HOXC11: variants seen among roughly 807,000 people sequenced by gnomAD.
The protein encoded by HOXC11 is homeobox protein Hox-C11.
HOXC11 carries 17 observed loss-of-function variants against 23.6 expected under a neutral mutation model. That is an observed-to-expected ratio of 0.72 (90% CI 0.49 to 1.08). The LOEUF (loss-of-function observed/expected upper bound fraction) is 1.08, where lower values mean the gene tolerates loss of function less well. Ranked by LOEUF, HOXC11 falls within the 50% of genes least tolerant of loss-of-function variation. The pLI, the probability that HOXC11 is intolerant of heterozygous loss-of-function variation, is 0.00. For missense variants in HOXC11, 413 were observed against 412.1 expected, an observed-to-expected ratio of 1.00 and a Z score of -0.02; for synonymous variants, 196 against 183.8, an observed-to-expected ratio of 1.07 and a Z score of -0.54.
chr12:53,973,433 G>T lies in HOXC11; in HGVS notation c.192G>T (p.Ser64=). ...CTCGTCAGATCTCCTATCCCTACTC[G>T]GCCCAAGTGCCCCCGGTCCGGGAGG... ...APSRQISYPY[S]AQVPPVREVS... Residue 64 remains serine, a synonymous_variant, in exon 1 of 2, where the codon TCG becomes TCT. Transcript: ENST00000546378. The surrounding 1 kb of genome is among the most constrained non-coding windows in gnomAD (Gnocchi z 4.3). 1.2e-6 allele frequency: 2 copies of T among 1,613,790 alleles called. No homozygotes were observed. Among genetic ancestry groups the T allele is most frequent in the Non-Finnish European group, 8.5e-7 (1 of 1,179,960 alleles).
chr12:53,973,421 C>T lies in HOXC11; in HGVS notation c.180C>T (p.Ser60=). 4 of 1,614,242 alleles carry T rather than the reference C, an allele frequency of 2.5e-6. No individual in the cohort carries two copies. The highest frequency in any genetic ancestry group is 3.4e-6 in the Non-Finnish European group (4 of 1,180,046). The change falls in exon 1 of 2, where the codon TCC becomes TCT. Residue 60 remains serine (S), a synonymous_variant. Coordinates refer to ENST00000546378, the MANE Select transcript of HOXC11 (RefSeq NM_014212.4). This position sits in a 1 kb window ranked among gnomAD's most constrained non-coding sequence, Gnocchi z 4.3. ...CCCAGGCCCCCTCTCGTCAGATCTC[C>T]TATCCCTACTCGGCCCAAGTGCCCC... The part of the protein sequence containing the change: ...FLPQAPSRQI[S]YPYSAQVPPV...
chr12:53,974,340 G>A (rs1939209385), intron 1 of HOXC11, among the ~76,000 whole-genome samples: 1 of 151,656 alleles, frequency 6.6e-6, no homozygotes, highest in Non-Finnish European at 1.5e-5. Flanking sequence ...GGGAGAAAGG[G>A]GAGGGCGAGG....
chr12:53,973,891 TGGCCAAGGAGCC>T lies in HOXC11; in HGVS notation c.657_668del (p.Glu220_Lys223del). On this transcript the variant is annotated inframe_deletion, in exon 1 of 2. Coordinates refer to ENST00000546378, the MANE Select transcript of HOXC11 (RefSeq NM_014212.4). This position sits in a 1 kb window ranked among gnomAD's most constrained non-coding sequence, Gnocchi z 4.3. The stretch of plus-strand genomic sequence containing the variant: ...AGCTCGTCCGGTTCAGCCCACTCCG[TGGCCAAGGAGCC>T]GGCCAAAGGAGCCGCCCCCAGTAGG... 1 of 1,447,726 alleles carries T rather than the reference TGGCCAAGGAGCC, an allele frequency of 6.9e-7. No homozygotes were observed. The highest frequency in any genetic ancestry group is 9.1e-7 in the Non-Finnish European group (1 of 1,099,200). The allele number at this position is 1,447,726 out of a possible 1,614,324, so 89.7% of individuals were successfully genotyped here.
Position 53,975,196 on chromosome 12 carries a change from G to A in HOXC11, c.698G>A (p.Arg233His), listed in dbSNP as rs1346036785. Reference protein sequence around the residue: ...KGAAPNAPRTRKKRCPYSKFQ... With the variant: ...KGAAPNAPRTHKKRCPYSKFQ... ...CTCCCTCCAGACGCCCCCCGCACCCGCAAGAAGCGCTGCCCTTATTCGAAA... is the reference window on the plus strand; with the variant it reads ...CTCCCTCCAGACGCCCCCCGCACCCACAAGAAGCGCTGCCCTTATTCGAAA... Residue 233 changes from arginine (R) to histidine (H), a missense_variant, in exon 2 of 2, where the codon CGC (arginine) becomes CAC (histidine). By Grantham distance (29) the Arg-to-His change is conservative. Coordinates refer to ENST00000546378, the MANE Select transcript of HOXC11 (RefSeq NM_014212.4). 5.6e-6 allele frequency: 8 copies of A among 1,428,372 alleles called. No individual in the cohort carries two copies. The highest frequency in any genetic ancestry group is 7.4e-6 in the Non-Finnish European group (8 of 1,076,918). The allele number at this position is 1,428,372 out of a possible 1,614,324, so 88.5% of individuals were successfully genotyped here.
chr12:53,975,137 T>C (rs1413375326), intron 1 of HOXC11, 44 bp from the exon 2 acceptor site: 1 of 878,802 alleles, frequency 1.1e-6, no homozygotes, highest in East Asian at 2.5e-5. Context: ...CTCACGTGTC[T>C]CTCTCCCCCC....
In HOXC11 at chr12:53,975,844, G is replaced by A. The variant is rs1939248393; in HGVS notation, c.*431G>A. On this transcript the variant is annotated 3_prime_UTR_variant, in exon 2 of 2. Coordinates refer to ENST00000546378, the MANE Select transcript of HOXC11 (RefSeq NM_014212.4). ...CCGCTAAGACAGCATGTCTGCCAGC[G>A]GAAACTTCTCGAGCTCCCCCCTCTA... 5.0e-6 allele frequency: 2 copies of A among 401,010 alleles called. No homozygotes were observed. The highest frequency in any genetic ancestry group is 8.6e-5 in the South Asian group (1 of 11,604). 24.8% of individuals were successfully genotyped at this position (401,010 alleles called of 1,614,324 possible).
At chr12:53,974,082 A>C (rs1939203401) in intron 1 of HOXC11, among the ~76,000 whole-genome samples, 159 bp downstream of exon 1, 1 of 152,048 alleles carries the variant, frequency 6.6e-6, no homozygotes, top group African/African-American at 2.4e-5. Flanking sequence ...ATTTTATTAT[A>C]ACCTACAAAG....
At position 53,976,002 on chromosome 12, in the gene HOXC11, C is replaced by T. The variant is rs1334731731; in HGVS notation, c.*589C>T. ...AAGGCCCCGCCCGAGCCTAGTTGTT[C>T]TCCCCCTGAATGTGTAGAACCTTCC... On this transcript the variant is annotated 3_prime_UTR_variant, in exon 2 of 2. Transcript: ENST00000546378. 1 of 246,702 alleles carries T rather than the reference C, an allele frequency of 4.1e-6. No homozygotes were observed. The highest frequency in any genetic ancestry group is 5.4e-5 in the Admixed American group (1 of 18,438). The allele number at this position is 246,702 out of a possible 1,614,324, so 15.3% of individuals were successfully genotyped here. A position where few individuals can be genotyped will look rare whatever the true frequency, so the allele number is the denominator to read the frequency against.
intron 1 of HOXC11, 81 bp downstream of exon 1, chr12:53,974,004 G>A: frequency 8.0e-7 from 1 of 1,242,632 alleles, no homozygotes; most frequent in Non-Finnish European, 1.1e-6. Flanking sequence ...GGGAGGCAAG[G>A]GGAGCGGGGA....
rs540405385 is a variant in HOXC11 at position 53,973,954 on chromosome 12, C to T, written c.682+31C>T. The T allele has an allele frequency of 1.8e-5, 25 of 1,424,046 alleles. No homozygotes were observed. The East Asian group carries it at 6.6e-4, about 37-fold the overall frequency. The allele number at this position is 1,424,046 out of a possible 1,614,324, so 88.2% of individuals were successfully genotyped here. On this transcript the variant is annotated intron_variant, in intron 1 of 1. Coordinates refer to ENST00000546378, the MANE Select transcript of HOXC11 (RefSeq NM_014212.4). The surrounding 1 kb of genome is among the most constrained non-coding windows in gnomAD (Gnocchi z 4.3). ...TAGCAGCGGCCGGGGAACGGGCGGG[C>T]AGCGAGGGAGGGAGCGAGAGAGGGA...
At chr12:53,974,416 G>C (rs1336579789) in intron 1 of HOXC11, among the ~76,000 whole-genome samples, 2 of 152,054 alleles carry the variant, frequency 1.3e-5, no homozygotes, top group Non-Finnish European at 2.9e-5. Flanking sequence ...CAGAACCTGA[G>C]ACCGGAGAGG....
At position 53,975,984 on chromosome 12, in the gene HOXC11, C is replaced by T. The variant is rs1363152835; in HGVS notation, c.*571C>T. On this transcript the variant is annotated 3_prime_UTR_variant, in exon 2 of 2. Transcript: ENST00000546378. ...CCTACCTCCGTCTTCGCCAAGGCCC[C>T]GCCCGAGCCTAGTTGTTCTCCCCCT... 4.0e-6 allele frequency: 1 copy of T among 249,856 alleles called. No individual in the cohort carries two copies. Among genetic ancestry groups the T allele is most frequent in the Non-Finnish European group, 7.7e-6 (1 of 129,816 alleles). 15.5% of individuals were successfully genotyped at this position (249,856 alleles called of 1,614,324 possible). A position where few individuals can be genotyped will look rare whatever the true frequency, so the allele number is the denominator to read the frequency against.
In HOXC11 at chr12:53,976,127, C is replaced by CTTTTTTTTTTT. The variant is rs768935038; in HGVS notation, c.*720_*730dup. On this transcript the variant is annotated 3_prime_UTR_variant, in exon 2 of 2. Coordinates refer to ENST00000546378, the MANE Select transcript of HOXC11 (RefSeq NM_014212.4). The stretch of plus-strand genomic sequence containing the variant: ...GCTATAGTCTATGCAGTCGTTACCT[C>CTTTTTTTTTTT]TTTTTTTTTTTTTTTTAAGAAAATT... The CTTTTTTTTTTT allele has an allele frequency of 6.9e-3, 1,253 of 180,960 alleles. 42 individuals are homozygous for CTTTTTTTTTTT. Among genetic ancestry groups the CTTTTTTTTTTT allele is most frequent in the African/African-American group, 0.033 (1,163 of 35,728 alleles). The allele number at this position is 180,960 out of a possible 1,614,324, so 11.2% of individuals were successfully genotyped here.
rs1228718982 is a variant in HOXC11, at chr12:53,973,604, C to T, written c.363C>T (p.Tyr121=). The part of the protein sequence containing the change: ...TEILMKNEGS[Y]GGHHHPSAPH... ...TCCTCATGAAAAACGAAGGCTCCTACGGCGGCCACCACCACCCCAGCGCCC... is the reference window on the plus strand; with the variant it reads ...TCCTCATGAAAAACGAAGGCTCCTATGGCGGCCACCACCACCCCAGCGCCC... Residue 121 remains tyrosine (Y), a synonymous_variant, in exon 1 of 2, where the codon TAC becomes TAT. Coordinates refer to ENST00000546378, the MANE Select transcript of HOXC11 (RefSeq NM_014212.4). The surrounding 1 kb of genome is among the most constrained non-coding windows in gnomAD (Gnocchi z 4.3). 2 of 1,613,738 alleles carry T rather than the reference C, an allele frequency of 1.2e-6. No individual in the cohort carries two copies. Among genetic ancestry groups the T allele is most frequent in the Non-Finnish European group, 1.7e-6 (2 of 1,180,028 alleles).
intron 1 of HOXC11, among the ~76,000 whole-genome samples, chr12:53,974,471 T>C (rs774974297): frequency 9.2e-5 from 14 of 151,802 alleles, no homozygotes; most frequent in Non-Finnish European, 1.5e-4. Context: ...GTTTTGAAAA[T>C]GTTCAAACTA....
chr12:53,975,615 G>T lies in HOXC11; in HGVS notation c.*202G>T, dbSNP rs766743409. The T allele has an allele frequency of 7.8e-6, 5 of 642,078 alleles. No homozygotes were observed. The highest frequency in any genetic ancestry group is 2.8e-5 in the Admixed American group (1 of 36,328). The allele number at this position is 642,078 out of a possible 1,614,324, so 39.8% of individuals were successfully genotyped here. ...ACTCTCGCTGTGGGACAGGGACCGG[G>T]CCTGGAAAGGGGGTGAAGGGAAGTG... On this transcript the variant is annotated 3_prime_UTR_variant, in exon 2 of 2. Transcript: ENST00000546378.
Position 53,973,846 on chromosome 12 carries a change from A to G in HOXC11, c.605A>G (p.Glu202Gly), listed in dbSNP as rs1939197423. 1 of 1,453,430 alleles carries G rather than the reference A, an allele frequency of 6.9e-7. No homozygotes were observed. Among genetic ancestry groups the G allele is most frequent in the African/African-American group, 1.4e-5 (1 of 69,006 alleles). The allele number at this position is 1,453,430 out of a possible 1,614,324, so 90.0% of individuals were successfully genotyped here. Residue 202 changes from glutamate (E) to glycine (G), a missense_variant, in exon 1 of 2, where the codon GAG becomes GGG. Glu to Gly is a moderately conservative substitution (Grantham distance 98). Coordinates refer to ENST00000546378, the MANE Select transcript of HOXC11 (RefSeq NM_014212.4). The surrounding 1 kb of genome is among the most constrained non-coding windows in gnomAD (Gnocchi z 4.3). The part of the protein sequence containing the change: ...RAEAGAEAEA[E>G]EENTNPSSSG... ...GAGGCGGGTGCCGAGGCGGAGGCTG[A>G]GGAGGAGAACACAAATCCCAGCTCG...
rs529380030 is a variant in HOXC11, at chr12:53,973,523, G to C, written c.282G>C (p.Ala94=). 1 of 1,613,664 alleles carries C rather than the reference G, an allele frequency of 6.2e-7. No individual in the cohort carries two copies. Among genetic ancestry groups the C allele is most frequent in the South Asian group, 1.1e-5 (1 of 91,062 alleles). Residue 94 remains alanine, a synonymous_variant, in exon 1 of 2, where the codon GCG becomes GCC. Coordinates refer to ENST00000546378, the MANE Select transcript of HOXC11 (RefSeq NM_014212.4). The surrounding 1 kb of genome is among the most constrained non-coding windows in gnomAD (Gnocchi z 4.3). The stretch of plus-strand genomic sequence containing the variant: ...GGAACAGCTACTCCTCCTGCTATGC[G>C]GCGGCCGACGAGCTTATGCACCGGG... The part of the protein sequence containing the change: ...HHRNSYSSCY[A]AADELMHREC...
At position 53,973,273 on chromosome 12, in the gene HOXC11, G is replaced by A; in HGVS notation, c.32G>A (p.Cys11Tyr). ...AACTCGGTCAACCTGGGCAACTTCT[G>A]CTCTCCGTCGCGCAAGGAGAGGGGC... MFNSVNLGNF[C>Y]SPSRKERGAD... Residue 11 changes from cysteine (C) to tyrosine (Y), a missense_variant, in exon 1 of 2, where the codon TGC becomes TAC. Transcript: ENST00000546378. The surrounding 1 kb of genome is among the most constrained non-coding windows in gnomAD (Gnocchi z 4.3). 6.2e-7 allele frequency: 1 copy of A among 1,612,260 alleles called. No individual in the cohort carries two copies. The highest frequency in any genetic ancestry group is 2.2e-5 in the East Asian group (1 of 44,856).
Sources: gnomAD v4.1 joint callset for allele counts (sites outside exome capture counted in the v4.1 genomes callset) on GRCh38, gnomAD v4.1.1 for gene constraint, Gnocchi (gnomAD v3.1) non-coding constraint, MANE v1.5 for transcripts, NCBI Gene and HGNC (gene_info 2026-07-23, HGNC 2026-07-21) for gene names.